The following CEP112 variants were observed in gnomAD, a reference collection of about 807,000 sequenced individuals.
CEP112 encodes the protein centrosomal protein 112.
A neutral mutation model predicts 153.0 loss-of-function variants in CEP112; 127 were observed. The observed-to-expected ratio is 0.83, with a 90% CI of 0.72 to 0.96. CEP112 has a LOEUF of 0.96. CEP112 is among the 40% of genes least tolerant of loss of function. The pLI, the probability that CEP112 is intolerant of heterozygous loss-of-function variation, is 0.00. For missense variants in CEP112, 1,089 were observed against 1,101.2 expected, an observed-to-expected ratio of 0.99 and a Z score of 0.16; for synonymous variants, 358 against 374.4, an observed-to-expected ratio of 0.96 and a Z score of 0.51.
chr17:66,000,026 A>G (rs2063954302), intron 17 of CEP112, among the ~76,000 whole-genome samples: 1 of 152,192 alleles, frequency 6.6e-6, no homozygotes, highest in Admixed American at 6.5e-5. Flanking sequence ...TGCTGCAATA[A>G]ACTTACATGT....
intron 19 of CEP112, chr17:65,903,362 A>C (rs2059946476): frequency 1.3e-5 from 2 of 152,214 alleles, no homozygotes; most frequent in African/African-American, 4.8e-5. Flanking sequence ...GAATCACCAG[A>C]CTACCTTATC....
intron 24 of CEP112, among the ~76,000 whole-genome samples, chr17:65,653,629 G>A (rs1370398395): frequency 6.6e-6 from 1 of 152,172 alleles, no homozygotes; most frequent in East Asian, 1.9e-4. Context: ...GGCAGGAGCT[G>A]GGCACAGGAA....
chr17:66,050,818 C>T (rs150833910), intron 12 of CEP112, among the ~76,000 whole-genome samples: 53 of 152,202 alleles, frequency 3.5e-4, no homozygotes, highest in African/African-American at 1.3e-3. Flanking sequence ...CTTTCTTGAG[C>T]CTGCTAGATC....
intron 21 of CEP112, among the ~76,000 whole-genome samples, chr17:65,774,275 G>A (rs1447563880): frequency 3.3e-5 from 5 of 152,070 alleles, no homozygotes; most frequent in Non-Finnish European, 7.4e-5. Context: ...TTTTGTTCCC[G>A]AGAAAAGACC....
rs190400968 is a variant in CEP112 at position 65,737,029 on chromosome 17, A to G, written c.2607+6039T>C. ...GTGAGTGAAAGTCACTGAGTCTCCAAAAGTGTTTGTTAGGCAGCATTATTG... is the reference window on the plus strand; with the variant it reads ...GTGAGTGAAAGTCACTGAGTCTCCAGAAGTGTTTGTTAGGCAGCATTATTG... On this transcript the variant is annotated intron_variant, in intron 23 of 26. Coordinates refer to ENST00000535342, the MANE Select transcript of CEP112 (RefSeq NM_001199165.4). Among the ~76,000 whole-genome samples the G allele has an allele frequency of 2.5e-3, 382 of 152,320 alleles. 1 individual carries two copies. The highest frequency in any genetic ancestry group is 8.3e-3 in the African/African-American group (345 of 41,572).
intron 21 of CEP112, among the ~76,000 whole-genome samples, chr17:65,795,020 A>C (rs1240821567): frequency 6.6e-6 from 1 of 152,208 alleles, no homozygotes; most frequent in African/African-American, 2.4e-5. Flanking sequence ...AGAACGAATA[A>C]ACTAAGTGCT....
Position 65,937,018 on chromosome 17 carries a change from G to C in CEP112, c.1873-9329C>G, listed in dbSNP as rs910760474. ...TTTTTGGTGGAGATGGGGTTTCGCT[G>C]TGTTGGCCGGGCTGGTCTCCAGCTC... On this transcript the variant is annotated intron_variant, in intron 18 of 26. Coordinates refer to ENST00000535342, the MANE Select transcript of CEP112 (RefSeq NM_001199165.4). Among the ~76,000 whole-genome samples, 4 of 149,504 alleles carry C rather than the reference G, an allele frequency of 2.7e-5. No individual in the cohort carries two copies. In the East Asian group the frequency reaches 6.2e-4, roughly 23 times the overall value.
intron 21 of CEP112, among the ~76,000 whole-genome samples, chr17:65,836,381 C>G (rs114466157): frequency 6.6e-6 from 1 of 152,072 alleles, no homozygotes; most frequent in South Asian, 2.1e-4. Flanking sequence ...TTCAACTGTA[C>G]GCTGTCTTCA....
chr17:66,090,386 A>C lies in CEP112; in HGVS notation c.768+5865T>G, dbSNP rs1160156796. ...CCACAATAATTTCTTTCTATACAATATAAAAAGATGTAAATTGTGTCATCA... is the reference window on the plus strand; with the variant it reads ...CCACAATAATTTCTTTCTATACAATCTAAAAAGATGTAAATTGTGTCATCA... On this transcript the variant is annotated intron_variant, in intron 8 of 26. Coordinates refer to ENST00000535342, the MANE Select transcript of CEP112 (RefSeq NM_001199165.4). Among the ~76,000 whole-genome samples, 3 of 152,102 alleles carry C rather than the reference A, an allele frequency of 2.0e-5. No individual in the cohort carries two copies. In the East Asian group the frequency reaches 5.8e-4, roughly 29 times the overall value.
chr17:65,937,784 G>C (rs1395072315), intron 18 of CEP112, among the ~76,000 whole-genome samples: 1 of 94,190 alleles, frequency 1.1e-5, no homozygotes. Flanking sequence ...CCCCGTCTGG[G>C]AGGGGGGTGG....
chr17:66,028,449 T>C, intron 14 of CEP112, 44 bp from the exon 15 acceptor site: 1 of 1,190,674 alleles, frequency 8.4e-7, no homozygotes, highest in South Asian at 1.5e-5. Context: ...TATTGATTTT[T>C]GTACCATATT....
At chr17:66,131,690 G>A (rs879696774) in intron 5 of CEP112, among the ~76,000 whole-genome samples, 14 of 151,326 alleles carry the variant, frequency 9.3e-5, no homozygotes, top group South Asian at 8.4e-4. Flanking sequence ...GCAGTGAGCC[G>A]AGATCATGCA....
intron 21 of CEP112, among the ~76,000 whole-genome samples, chr17:65,769,952 G>GAGAGAGACAAA (rs1341283038): frequency 6.6e-6 from 1 of 151,924 alleles, no homozygotes; most frequent in Non-Finnish European, 1.5e-5. Context: ...TATCCAAATG[G>GAGAGAGACAAA]TTCCCAGAGA....
Position 66,175,080 on chromosome 17 carries a change from T to A in CEP112, c.434A>T (p.Asp145Val), listed in dbSNP as rs764386570. 6.2e-7 allele frequency: 1 copy of A among 1,612,542 alleles called. No homozygotes were observed. The highest frequency in any genetic ancestry group is 8.5e-7 in the Non-Finnish European group (1 of 1,179,282). The change falls in exon 4 of 27, where the codon GAT (aspartate) becomes GTT (valine). Residue 145 changes from aspartate (D) to valine (V), a missense_variant. Asp to Val is a radical substitution (Grantham distance 152, BLOSUM62 -3). Coordinates refer to ENST00000535342, the MANE Select transcript of CEP112 (RefSeq NM_001199165.4). ...AGTTGGCGACTGTACTAAAGTGTTATCTTCTCCAGAAGAGAGTTTCCATGA... is the reference window on the plus strand; with the variant it reads ...AGTTGGCGACTGTACTAAAGTGTTAACTTCTCCAGAAGAGAGTTTCCATGA... ...NESWKLSSGEDNTLVQSPTDV... is the reference protein window; with the variant it reads ...NESWKLSSGEVNTLVQSPTDV...
intron 17 of CEP112, among the ~76,000 whole-genome samples, chr17:65,977,158 G>A (rs954767672): frequency 1.3e-5 from 2 of 152,254 alleles, no homozygotes; most frequent in Admixed American, 6.5e-5. Flanking sequence ...TGGAATAAAC[G>A]AGACTCTGCT....
At chr17:65,678,031 T>TAA (rs36086543) in intron 24 of CEP112, among the ~76,000 whole-genome samples, 24 of 151,860 alleles carry the variant, frequency 1.6e-4, no homozygotes, top group Non-Finnish European at 2.4e-4. Flanking sequence ...TGGACTATAG[T>TAA]AAAAAAAAGG....
At chr17:65,816,486 A>C (rs2056273247) in intron 21 of CEP112, among the ~76,000 whole-genome samples, 1 of 151,824 alleles carries the variant, frequency 6.6e-6, no homozygotes, top group Admixed American at 6.6e-5. Context: ...TATCATTCTT[A>C]TGCCATCTGT....
At chr17:65,911,597 G>C (rs1009222314) in intron 19 of CEP112, among the ~76,000 whole-genome samples, 1 of 152,094 alleles carries the variant, frequency 6.6e-6, no homozygotes, top group African/African-American at 2.4e-5. Flanking sequence ...GGGAGGCCGA[G>C]GTGAGATGAT....
intron 16 of CEP112, among the ~76,000 whole-genome samples, chr17:66,009,738 T>C (rs959185575): frequency 3.9e-5 from 6 of 152,270 alleles, no homozygotes; most frequent in African/African-American, 1.4e-4. Flanking sequence ...CCCATTGCTT[T>C]TTTGTGTTGA....
Sources: allele counts gnomAD v4.1 joint callset (sites outside exome capture counted in the v4.1 genomes callset), GRCh38; gene constraint gnomAD v4.1.1; transcripts MANE v1.5; gene names NCBI Gene and HGNC (gene_info 2026-07-23, HGNC 2026-07-21).